HTR2C: variants seen among roughly 807,000 people sequenced by gnomAD.
HTR2C encodes the protein 5-hydroxytryptamine (serotonin) receptor 2C, G protein-coupled.
In HTR2C, 5 loss-of-function variants were observed where a neutral mutation model predicts 21.0. That is an observed-to-expected ratio of 0.24 (90% CI 0.12 to 0.50). HTR2C has a LOEUF of 0.50. Ranked by LOEUF, HTR2C falls within the 20% of genes least tolerant of loss-of-function variation. HTR2C has a pLI of 0.98. For synonymous variants in HTR2C, 150 were observed against 145.3 expected (o/e 1.03, Z -0.23); for missense variants, 271 against 371.2 (o/e 0.73, Z 2.22).
At chrX:114,657,638 C>T (rs1410815004) in intron 2 of HTR2C, among the ~76,000 whole-genome samples, 3 of 111,480 alleles carry the variant, frequency 2.7e-5, no homozygotes, top group African/African-American at 9.7e-5. Context: ...TGTTCCTATA[C>T]TTCATGGCCC....
chrX:114,625,424 T>G (rs1170636929), intron 2 of HTR2C, among the ~76,000 whole-genome samples: 5 of 111,312 alleles, frequency 4.5e-5, no homozygotes, highest in African/African-American at 1.3e-4. Context: ...CTTGCTCTGT[T>G]AGACACCATG....
chrX:114,880,539 CA>C (rs782097882), intron 5 of HTR2C, among the ~76,000 whole-genome samples: 6 of 110,399 alleles, frequency 5.4e-5, no homozygotes, highest in Admixed American at 2.9e-4. Flanking sequence ...TTCATCACTG[CA>C]AGACAAACAT....
intron 4 of HTR2C, among the ~76,000 whole-genome samples, chrX:114,764,435 A>G (rs1272324871): frequency 9.0e-6 from 1 of 110,872 alleles, no homozygotes; most frequent in African/African-American, 3.3e-5. Context: ...GAAATGTACA[A>G]CTTTTACATA....
chrX:114,814,496 G>A (rs2070563317), intron 4 of HTR2C, among the ~76,000 whole-genome samples: 1 of 109,378 alleles, frequency 9.1e-6, no homozygotes, highest in African/African-American at 3.3e-5. Flanking sequence ...CATCAGACCA[G>A]GAAGGAGGTT....
chrX:114,674,851 T>G (rs782058595), intron 2 of HTR2C, among the ~76,000 whole-genome samples: 1 of 111,873 alleles, frequency 8.9e-6, no homozygotes, highest in Non-Finnish European at 1.9e-5. Context: ...CTATACTGTC[T>G]CCAGATAGTT....
chrX:114,859,782 C>G (rs376267639), intron 5 of HTR2C, among the ~76,000 whole-genome samples: 10 of 111,146 alleles, frequency 9.0e-5, no homozygotes, highest in African/African-American at 2.9e-4. Context: ...GTCAGTGACT[C>G]TGGGCCTTAC....
chrX:114,806,414 A>G (rs1486048444), intron 4 of HTR2C, among the ~76,000 whole-genome samples: 986 of 71,838 alleles, frequency 0.014, 90 homozygotes, highest in African/African-American at 0.044. Flanking sequence ...TACACCATAT[A>G]TATATACTGT....
At chrX:114,603,936 G>A (rs1928265324) in intron 1 of HTR2C, among the ~76,000 whole-genome samples, 1 of 103,152 alleles carries the variant, frequency 9.7e-6, no homozygotes. Context: ...TTTAGGACAG[G>A]TAAAATGGGG....
rs782815081 is a variant in HTR2C at position 114,678,176 on chromosome X, C to T, written c.-79-48682C>T. On this transcript the variant is annotated intron_variant, in intron 2 of 5. Coordinates refer to ENST00000276198, the MANE Select transcript of HTR2C (RefSeq NM_000868.4). ...TGGGCAGAATGATTCTTTCTCTGCA[C>T]ATGTAGTAAATATTAAACATTGATC... Among the ~76,000 whole-genome samples the T allele has an allele frequency of 4.3e-4, 48 of 110,393 alleles. No individual in the cohort carries two copies. In the Admixed American group the frequency reaches 4.7e-3, roughly 11 times the overall value.
At chrX:114,839,192 A>G (rs782438826) in intron 4 of HTR2C, among the ~76,000 whole-genome samples, 1 of 112,280 alleles carries the variant, frequency 8.9e-6, no homozygotes, top group East Asian at 2.8e-4. Context: ...TTTGGCAAAT[A>G]AAAGCTACTA....
chrX:114,836,808 G>A (rs2070790308), intron 4 of HTR2C, among the ~76,000 whole-genome samples: 1 of 111,865 alleles, frequency 8.9e-6, no homozygotes, highest in Admixed American at 9.5e-5. Flanking sequence ...ATTTTTTTCA[G>A]ATATTGACTT....
chrX:114,859,821 A>G (rs892566269), intron 5 of HTR2C, among the ~76,000 whole-genome samples: 3 of 111,720 alleles, frequency 2.7e-5, no homozygotes, highest in Non-Finnish European at 3.8e-5. Flanking sequence ...ATTTAAATCC[A>G]TAAATTTTTC....
At chrX:114,815,273 A>G (rs1419563048) in intron 4 of HTR2C, among the ~76,000 whole-genome samples, 1 of 110,802 alleles carries the variant, frequency 9.0e-6, no homozygotes, top group Non-Finnish European at 1.9e-5. Context: ...ATGACTAGAA[A>G]GAGATACTGC....
At chrX:114,600,382 T>C (rs941682456) in intron 1 of HTR2C, among the ~76,000 whole-genome samples, 4 of 112,263 alleles carry the variant, frequency 3.6e-5, no homozygotes, top group Admixed American at 2.8e-4. Context: ...TTCAAGGAAC[T>C]AAATGGAAGA....
intron 1 of HTR2C, among the ~76,000 whole-genome samples, chrX:114,600,098 G>A (rs1308051950): frequency 1.8e-5 from 2 of 111,686 alleles, no homozygotes; most frequent in East Asian, 5.6e-4. Flanking sequence ...AGTGCGTGTT[G>A]CAAAGTACAT....
intron 2 of HTR2C, among the ~76,000 whole-genome samples, chrX:114,659,151 C>T: frequency 9.0e-6 from 1 of 111,248 alleles, no homozygotes; most frequent in Middle Eastern, 4.7e-3. Flanking sequence ...CTTGTGAGAA[C>T]TCACTCACTA....
intron 4 of HTR2C, among the ~76,000 whole-genome samples, chrX:114,837,530 C>T (rs1556464465): frequency 9.0e-6 from 1 of 111,418 alleles, no homozygotes; most frequent in Non-Finnish European, 1.9e-5. Flanking sequence ...AATTTTGTCA[C>T]TGTTGCAAAT....
chrX:114,878,284 C>T (rs1396281891), intron 5 of HTR2C, among the ~76,000 whole-genome samples: 1 of 109,914 alleles, frequency 9.1e-6, no homozygotes, highest in Non-Finnish European at 1.9e-5. Context: ...GTACAGAGTC[C>T]CTTTATATCT....
At chrX:114,890,665 ATT>A (rs1397250228) in intron 5 of HTR2C, among the ~76,000 whole-genome samples, 2 of 112,082 alleles carry the variant, frequency 1.8e-5, no homozygotes, top group Non-Finnish European at 3.8e-5. Context: ...TTAATTTGAT[ATT>A]TGAGTGTGTC....
Sources: gnomAD v4.1 joint callset for allele counts (sites outside exome capture counted in the v4.1 genomes callset) on GRCh38, gnomAD v4.1.1 for gene constraint, MANE v1.5 for transcripts, NCBI Gene and HGNC (gene_info 2026-07-23, HGNC 2026-07-21) for gene names.